MRPL1: variants seen among roughly 807,000 people sequenced by gnomAD.
MRPL1 encodes mitochondrial ribosomal protein L1, also known as large ribosomal subunit protein uL1m.
In MRPL1, 28 loss-of-function variants were observed where a neutral mutation model predicts 38.0. The ratio of observed to expected loss-of-function variants is 0.74; its 90% CI spans 0.55 to 1.01. MRPL1 has a LOEUF of 1.01. MRPL1 is among the 50% of genes least tolerant of loss of function. MRPL1 has a pLI of 0.00. For synonymous variants in MRPL1, 123 were observed against 126.7 expected, an observed-to-expected ratio of 0.97 and a Z score of 0.20; for missense variants, 358 against 389.8, an observed-to-expected ratio of 0.92 and a Z score of 0.69.
At position 77,926,957 on chromosome 4, in the gene MRPL1, C is replaced by G. The variant is rs184195004; in HGVS notation, c.777+17585C>G. Among the ~76,000 whole-genome samples the G allele has an allele frequency of 2.0e-3, 311 of 152,090 alleles. 1 individual carries two copies. Among genetic ancestry groups the G allele is most frequent in the African/African-American group, 7.1e-3 (293 of 41,480 alleles). Reference sequence around the variant, plus strand: ...TTTCAGGTTTCTCTTCTGTCTTCCTCTCTCCCATGTTCTCTTTACCTTTTT... The same window carrying G: ...TTTCAGGTTTCTCTTCTGTCTTCCTGTCTCCCATGTTCTCTTTACCTTTTT... On this transcript the variant is annotated intron_variant, in intron 7 of 8. Coordinates refer to ENST00000315567, the MANE Select transcript of MRPL1 (RefSeq NM_020236.4).
At position 77,874,425 on chromosome 4, in the gene MRPL1, T is replaced by C. The variant is rs545282109; in HGVS notation, c.143+2570T>C. Among the ~76,000 whole-genome samples the C allele has an allele frequency of 8.5e-5, 13 of 152,334 alleles. No individual in the cohort carries two copies. The South Asian group carries it at 2.7e-3, about 32-fold the overall frequency. ...TCCCCTATTGAGGCACATTTTTCTT[T>C]CCATTCTTTTTCTATTACAAGTGAT... On this transcript the variant is annotated intron_variant, in intron 2 of 8. Coordinates refer to ENST00000315567, the MANE Select transcript of MRPL1 (RefSeq NM_020236.4).
intron 1 of MRPL1, among the ~76,000 whole-genome samples, chr4:77,865,813 C>G (rs1288950765): frequency 6.6e-6 from 1 of 152,206 alleles, no homozygotes; most frequent in African/African-American, 2.4e-5. Context: ...TTGGATTTCT[C>G]TACAGTCTAC....
intron 7 of MRPL1, among the ~76,000 whole-genome samples, chr4:77,936,050 A>T (rs1578061560): frequency 6.6e-6 from 1 of 152,304 alleles, no homozygotes; most frequent in East Asian, 1.9e-4. Flanking sequence ...ATAAATGCAC[A>T]TAGTGAAATA....
chr4:77,899,160 ATTTT>A (rs1214514714), intron 6 of MRPL1, among the ~76,000 whole-genome samples: 2 of 126,534 alleles, frequency 1.6e-5, no homozygotes, highest in Non-Finnish European at 3.4e-5. Context: ...CGCCTGGCTC[ATTTT>A]TTTTTTTTTT....
At chr4:77,947,772 C>A (rs577988669) in intron 7 of MRPL1, among the ~76,000 whole-genome samples, 38 of 152,204 alleles carry the variant, frequency 2.5e-4, no homozygotes, top group African/African-American at 9.2e-4. Flanking sequence ...CACAGTAATG[C>A]CTATGAGATA....
chr4:77,899,047 G>T (rs990939660), intron 6 of MRPL1, among the ~76,000 whole-genome samples: 6 of 146,196 alleles, frequency 4.1e-5, no homozygotes, highest in African/African-American at 1.3e-4. Context: ...AGGCTGGAGT[G>T]CAGAGACATG....
chr4:77,885,380 T>C (rs902297830), intron 4 of MRPL1, 41 bp downstream of exon 4: 2 of 1,519,572 alleles, frequency 1.3e-6, no homozygotes, highest in Non-Finnish European at 1.8e-6. Flanking sequence ...TTTAATTTTT[T>C]TTTTTGAGAC....
intron 5 of MRPL1, among the ~76,000 whole-genome samples, chr4:77,888,853 C>A (rs944842573): frequency 3.3e-5 from 5 of 152,060 alleles, no homozygotes; most frequent in African/African-American, 1.2e-4. Context: ...CTAATGCTAT[C>A]CCTCCCCCGT....
At chr4:77,877,979 T>G in intron 2 of MRPL1, among the ~76,000 whole-genome samples, 1 of 152,186 alleles carries the variant, frequency 6.6e-6, no homozygotes, top group Middle Eastern at 3.4e-3. Context: ...GTGGGAGGTA[T>G]GTGGAAAATG....
intron 6 of MRPL1, among the ~76,000 whole-genome samples, chr4:77,904,537 G>C (rs971264166): frequency 1.3e-5 from 2 of 152,056 alleles, no homozygotes; most frequent in Admixed American, 6.6e-5. Flanking sequence ...CTGGGTGATG[G>C]AGTAAGACTG....
At chr4:77,866,364 A>G (rs942450743) in intron 1 of MRPL1, among the ~76,000 whole-genome samples, 4 of 152,172 alleles carry the variant, frequency 2.6e-5, no homozygotes, top group Admixed American at 6.5e-5. Flanking sequence ...ATTTTTTTAC[A>G]TTGATAATTT....
intron 1 of MRPL1, among the ~76,000 whole-genome samples, chr4:77,869,781 C>G (rs533718192): frequency 6.6e-6 from 1 of 152,130 alleles, no homozygotes; most frequent in African/African-American, 2.4e-5. Context: ...TTAGTAGAGA[C>G]AGTTTCATCA....
chr4:77,910,297 G>A (rs1299274655), intron 7 of MRPL1, among the ~76,000 whole-genome samples: 1 of 152,086 alleles, frequency 6.6e-6, no homozygotes, highest in Non-Finnish European at 1.5e-5. Flanking sequence ...CCTCATGACT[G>A]GAATTATTTG....
At chr4:77,896,742 T>C (rs1202554491) in intron 6 of MRPL1, among the ~76,000 whole-genome samples, 4 of 152,218 alleles carry the variant, frequency 2.6e-5, no homozygotes, top group African/African-American at 9.6e-5. Flanking sequence ...CGTGTGTACA[T>C]TTTGCAGCTT....
chr4:77,879,548 A>G (rs1367702413), intron 2 of MRPL1, among the ~76,000 whole-genome samples: 1 of 152,210 alleles, frequency 6.6e-6, no homozygotes, highest in African/African-American at 2.4e-5. Context: ...TTGCAAATTA[A>G]TTGCATAGGT....
At chr4:77,899,767 A>C (rs1354512210) in intron 6 of MRPL1, among the ~76,000 whole-genome samples, 1 of 152,228 alleles carries the variant, frequency 6.6e-6, no homozygotes, top group Admixed American at 6.5e-5. Context: ...AAGGAAAAGA[A>C]AGTGAAAGGA....
chr4:77,894,356 C>G lies in MRPL1; in HGVS notation c.670+106C>G, dbSNP rs140575913. ...TGTATGCGTAGAATAAATAGTATGT[C>G]CTGGTATTTGAGTTTGAGTTACGAG... On this transcript the variant is annotated intron_variant, in intron 6 of 8. Coordinates refer to ENST00000315567, the MANE Select transcript of MRPL1 (RefSeq NM_020236.4). 5.7e-3 allele frequency: 3,807 copies of G among 665,896 alleles called. 30 individuals carry two copies. The highest frequency in any genetic ancestry group is 7.2e-3 in the Non-Finnish European group (2,848 of 394,306). 41.2% of individuals were successfully genotyped at this position (665,896 alleles called of 1,614,324 possible). A position where few individuals can be genotyped will look rare whatever the true frequency, so the allele number is the denominator to read the frequency against.
intron 1 of MRPL1, chr4:77,864,878 T>G (rs1253446021): frequency 1.3e-5 from 2 of 151,534 alleles, no homozygotes; most frequent in East Asian, 3.9e-4. Context: ...GATGGCCAAT[T>G]ATTGTGTATA....
intron 5 of MRPL1, among the ~76,000 whole-genome samples, chr4:77,889,208 C>T (rs1379493659): frequency 1.3e-5 from 2 of 152,130 alleles, no homozygotes; most frequent in African/African-American, 2.4e-5. Context: ...GCACTTATTC[C>T]AAAATTGACC....
Sources: allele counts gnomAD v4.1 joint callset (sites outside exome capture counted in the v4.1 genomes callset), GRCh38; gene constraint gnomAD v4.1.1; transcripts MANE v1.5; gene names NCBI Gene and HGNC (gene_info 2026-07-23, HGNC 2026-07-21).